Variants in MAP3K13 observed in about 807,000 individuals in gnomAD.
MAP3K13 encodes the protein leucine zipper-bearing kinase.
Under a neutral mutation model 104.0 loss-of-function variants are expected in MAP3K13, and 52 were observed. The ratio of observed to expected loss-of-function variants is 0.50; its 90% CI spans 0.40 to 0.63. The LOEUF (loss-of-function observed/expected upper bound fraction) is 0.63, where lower values mean the gene tolerates loss of function less well. MAP3K13 is among the 20% of genes least tolerant of loss of function. The pLI is 0.00. For synonymous variants in MAP3K13, 394 were observed against 442.2 expected, an observed-to-expected ratio of 0.89 and a Z score of 1.37; for missense variants, 914 against 1,218.5, an observed-to-expected ratio of 0.75 and a Z score of 3.72.
chr3:185,317,945 T>C (rs1721733699), intron 2 of MAP3K13, among the ~76,000 whole-genome samples: 1 of 151,746 alleles, frequency 6.6e-6, no homozygotes, highest in Non-Finnish European at 1.5e-5. Flanking sequence ...GCAAGGTCAT[T>C]CACCCATTAA....
chr3:185,455,643 TGA>T (rs1446155598), intron 7 of MAP3K13, among the ~76,000 whole-genome samples: 1 of 77,290 alleles, frequency 1.3e-5, no homozygotes, highest in African/African-American at 4.3e-5. Context: ...ATGATATATA[TGA>T]GATATATATA....
intron 7 of MAP3K13, among the ~76,000 whole-genome samples, chr3:185,453,812 ATACATATATATGAGATATATATATAT>A (rs1716035729): frequency 3.5e-5 from 1 of 28,350 alleles, no homozygotes; most frequent in Non-Finnish European, 9.8e-5. Context: ...TATATATATG[ATACATATATATGAGATATATATATAT>A]GATACATATA....
intron 1 of MAP3K13, among the ~76,000 whole-genome samples, chr3:185,399,475 G>A (rs1035113102): frequency 6.6e-6 from 1 of 151,570 alleles, no homozygotes; most frequent in Non-Finnish European, 1.5e-5. Context: ...GGGCGTGGTG[G>A]CACGTGCCTG....
chr3:185,298,617 T>C (rs1183340669), intron 2 of MAP3K13, among the ~76,000 whole-genome samples: 1 of 152,236 alleles, frequency 6.6e-6, no homozygotes, highest in Non-Finnish European at 1.5e-5. Context: ...TCTCCTCATT[T>C]TGGCATTTGA....
intron 2 of MAP3K13, among the ~76,000 whole-genome samples, chr3:185,334,485 T>C (rs1021900496): frequency 8.5e-5 from 13 of 152,082 alleles, no homozygotes; most frequent in African/African-American, 2.7e-4. Context: ...TGGAACAGAA[T>C]AGGGAAATCA....
intron 2 of MAP3K13, among the ~76,000 whole-genome samples, chr3:185,435,061 T>C (rs1014258860): frequency 1.3e-4 from 20 of 152,090 alleles, no homozygotes; most frequent in Non-Finnish European, 7.4e-5. Context: ...TGGAGTGCAG[T>C]GGCGCATTCT....
At chr3:185,295,169 T>C (rs1720875025) in intron 2 of MAP3K13, among the ~76,000 whole-genome samples, 1 of 152,200 alleles carries the variant, frequency 6.6e-6, no homozygotes, top group Admixed American at 6.5e-5. Context: ...AATGCCATTT[T>C]TTTTTCTTCA....
At chr3:185,347,700 T>C (rs980441664) in intron 2 of MAP3K13, among the ~76,000 whole-genome samples, 11 of 152,152 alleles carry the variant, frequency 7.2e-5, no homozygotes, top group Non-Finnish European at 1.6e-4. Flanking sequence ...GAACTTGTAA[T>C]GGAGGCGATT....
At chr3:185,292,553 C>A in intron 2 of MAP3K13, 1 of 679,042 alleles carries the variant, frequency 1.5e-6, no homozygotes, top group Non-Finnish European at 1.8e-6. Flanking sequence ...GCCTACCTCA[C>A]AGGGTTGTTG....
In MAP3K13 at chr3:185,323,734, A is replaced by G. The variant is rs371358385; in HGVS notation, c.-86+38091A>G. On this transcript the variant is annotated intron_variant, in intron 2 of 14. Transcript: ENST00000424227. ...TTTCCATCTTTTTCTTTTGCCAACA[A>G]TGCTGCAGTTAATATTCACGTACAT... Among the ~76,000 whole-genome samples the G allele has an allele frequency of 9.2e-5, 14 of 152,244 alleles. No individual in the cohort carries two copies. The East Asian group carries it at 2.1e-3, about 23-fold the overall frequency.
intron 2 of MAP3K13, among the ~76,000 whole-genome samples, chr3:185,286,287 C>A (rs1050525175): frequency 6.6e-6 from 1 of 152,014 alleles, no homozygotes; most frequent in Non-Finnish European, 1.5e-5. Flanking sequence ...AAACTTCTAA[C>A]TTTATGATAA....
At chr3:185,364,853 T>C (rs1723796705) in intron 1 of MAP3K13, among the ~76,000 whole-genome samples, 1 of 152,226 alleles carries the variant, frequency 6.6e-6, no homozygotes, top group Non-Finnish European at 1.5e-5. Context: ...GATAACATTT[T>C]AGACATAATA....
intron 2 of MAP3K13, among the ~76,000 whole-genome samples, chr3:185,327,301 G>A (rs767376372): frequency 5.9e-5 from 9 of 152,112 alleles, no homozygotes; most frequent in Non-Finnish European, 7.3e-5. Context: ...GGACTCCTCC[G>A]GATAATCTCC....
At position 185,423,335 on chromosome 3, in the gene MAP3K13, G is replaced by C. The variant is rs983907820; in HGVS notation, c.-85-5162G>C. On this transcript the variant is annotated intron_variant, in intron 1 of 13. Coordinates refer to ENST00000265026, the MANE Select transcript of MAP3K13 (RefSeq NM_004721.5). The surrounding 1 kb of genome is among the most constrained non-coding windows in gnomAD (Gnocchi z 4.1). The stretch of plus-strand genomic sequence containing the variant: ...TATAGGATAACCAAGAGTCCTGGCA[G>C]CCAAGGCAGACCGGAAGTAACTGCT... Among the ~76,000 whole-genome samples, 1 of 152,194 alleles carries C rather than the reference G, an allele frequency of 6.6e-6. No individual in the cohort carries two copies. Among genetic ancestry groups the C allele is most frequent in the Non-Finnish European group, 1.5e-5 (1 of 68,036 alleles).
intron 2 of MAP3K13, among the ~76,000 whole-genome samples, chr3:185,288,221 A>G (rs1322286937): frequency 2.0e-5 from 3 of 152,128 alleles, no homozygotes; most frequent in Admixed American, 1.3e-4. Context: ...AGGATAGAAT[A>G]TGGTAAAGGT....
chr3:185,329,735 G>A (rs1258188507), intron 2 of MAP3K13, among the ~76,000 whole-genome samples: 1 of 152,134 alleles, frequency 6.6e-6, no homozygotes, highest in African/African-American at 2.4e-5. Context: ...CAAACATATT[G>A]ACTTTATTAA....
intron 1 of MAP3K13, among the ~76,000 whole-genome samples, chr3:185,396,351 CA>C (rs1263444854): frequency 2.0e-5 from 3 of 151,904 alleles, no homozygotes; most frequent in Admixed American, 1.3e-4. Context: ...GCCTGGGTGA[CA>C]GAGGAAGACT....
chr3:185,336,889 C>T (rs571514916), intron 2 of MAP3K13, among the ~76,000 whole-genome samples: 2 of 152,178 alleles, frequency 1.3e-5, no homozygotes, highest in South Asian at 4.1e-4. Flanking sequence ...GTCCTAGATA[C>T]TTCCTCATGT....
chr3:185,322,825 A>G (rs1183092275), intron 2 of MAP3K13, among the ~76,000 whole-genome samples: 1 of 152,036 alleles, frequency 6.6e-6, no homozygotes, highest in African/African-American at 2.4e-5. Flanking sequence ...TCTCTCTTTG[A>G]TATTGCAAGT....
Sources: allele counts gnomAD v4.1 joint callset (sites outside exome capture counted in the v4.1 genomes callset), GRCh38; gene constraint gnomAD v4.1.1; non-coding constraint Gnocchi (gnomAD v3.1); transcripts MANE v1.5; gene names NCBI Gene and HGNC (gene_info 2026-07-23, HGNC 2026-07-21).